RPTOR: variants seen among roughly 807,000 people sequenced by gnomAD.
RPTOR encodes the protein regulatory associated protein of MTOR complex 1.
RPTOR carries 21 observed loss-of-function variants against 169.9 expected under a neutral mutation model. The observed-to-expected ratio is 0.12, with a 90% CI of 0.09 to 0.18. The LOEUF is 0.18. Among genes scored for constraint, RPTOR ranks in the 10% least tolerant of loss-of-function variants. The probability of loss-of-function intolerance (pLI) is 1.00; values close to 1 mark genes in which losing one functional copy is unlikely to be tolerated. For missense variants in RPTOR, 1,133 were observed against 1,855.9 expected, an observed-to-expected ratio of 0.61 and a Z score of 7.16; for synonymous variants, 732 against 753.2, an observed-to-expected ratio of 0.97 and a Z score of 0.46.
chr17:80,549,006 CA>C (rs1310806356), intron 1 of RPTOR, among the ~76,000 whole-genome samples: 4 of 152,100 alleles, frequency 2.6e-5, no homozygotes, highest in African/African-American at 7.2e-5. Context: ...ACATCTTTAC[CA>C]AAGTTGACTG....
rs1460468453 is a variant in RPTOR, at chr17:80,659,365, T to C, written c.348+15555T>C. Among the ~76,000 whole-genome samples, 1 of 152,158 alleles carries C rather than the reference T, an allele frequency of 6.6e-6. No individual in the cohort carries two copies. Among genetic ancestry groups the C allele is most frequent in the East Asian group, 1.9e-4 (1 of 5,196 alleles). On this transcript the variant is annotated intron_variant, in intron 3 of 33. Transcript: ENST00000306801. This position sits in a 1 kb window ranked among gnomAD's most constrained non-coding sequence, Gnocchi z 4.3. ...TTTTTCTTTTGAAACAGGCTCTCGC[T>C]CTGTCACCCAGGCTGGGGTGCAGTG... is the stretch of plus-strand genomic sequence containing the variant.
At chr17:80,637,481 A>C (rs2065517195) in intron 2 of RPTOR, among the ~76,000 whole-genome samples, 1 of 152,186 alleles carries the variant, frequency 6.6e-6, no homozygotes, top group Non-Finnish European at 1.5e-5. Flanking sequence ...TTGCTGTTCT[A>C]GTTCATAGAA....
At chr17:80,575,255 A>G (rs1599565426) in intron 1 of RPTOR, among the ~76,000 whole-genome samples, 1 of 152,210 alleles carries the variant, frequency 6.6e-6, no homozygotes, top group Non-Finnish European at 1.5e-5. Context: ...TTGGCCTCCC[A>G]AAGTGCTGGG....
chr17:80,604,381 A>G (rs539656067), intron 1 of RPTOR, among the ~76,000 whole-genome samples: 1 of 152,234 alleles, frequency 6.6e-6, no homozygotes, highest in Non-Finnish European at 1.5e-5. Flanking sequence ...AAGTACCTAT[A>G]AAATATCTTT....
At position 80,845,194 on chromosome 17, in the gene RPTOR, C is replaced by T. The variant is rs1044913632; in HGVS notation, c.1213-1279C>T. Reference sequence around the variant, plus strand: ...GCCCACCTGCTCCATGGCACCCAGGCGAATCCCCCTCCACTCTGTGCCTGC... The same window carrying T: ...GCCCACCTGCTCCATGGCACCCAGGTGAATCCCCCTCCACTCTGTGCCTGC... On this transcript the variant is annotated intron_variant, in intron 10 of 33. Transcript: ENST00000306801. This position sits in a 1 kb window ranked among gnomAD's most constrained non-coding sequence, Gnocchi z 5.4. 7.2e-5 allele frequency among the ~76,000 whole-genome samples: 11 copies of T among 152,036 alleles called. No homozygotes were observed. Among genetic ancestry groups the T allele is most frequent in the Non-Finnish European group, 1.5e-4 (10 of 67,988 alleles).
intron 1 of RPTOR, among the ~76,000 whole-genome samples, chr17:80,618,236 C>G (rs2065327687): frequency 6.6e-6 from 1 of 152,208 alleles, no homozygotes; most frequent in African/African-American, 2.4e-5. Context: ...ATCCGCCAGG[C>G]TTGGCCTCCC....
intron 3 of RPTOR, among the ~76,000 whole-genome samples, chr17:80,667,855 G>A (rs980153319): frequency 2.6e-5 from 4 of 152,144 alleles, no homozygotes; most frequent in East Asian, 1.9e-4. Flanking sequence ...TCATTCATTC[G>A]GTTCCCACCG....
intron 5 of RPTOR, among the ~76,000 whole-genome samples, chr17:80,734,156 G>C (rs542535997): frequency 1.6e-3 from 249 of 152,266 alleles, no homozygotes; most frequent in Non-Finnish European, 2.9e-3. Context: ...GTTTTCGTTT[G>C]TTTGCTTTTC....
chr17:80,720,194 A>C (rs747878385), intron 4 of RPTOR, among the ~76,000 whole-genome samples: 2 of 152,154 alleles, frequency 1.3e-5, no homozygotes, highest in African/African-American at 2.4e-5. Flanking sequence ...GCTACTCAGG[A>C]GGCTGAGACA....
intron 3 of RPTOR, among the ~76,000 whole-genome samples, chr17:80,687,331 T>C (rs182209914): frequency 5.3e-5 from 8 of 152,230 alleles, no homozygotes; most frequent in Admixed American, 3.9e-4. Context: ...CTCCTTCAGA[T>C]TGTCATCTGA....
chr17:80,965,280 C>T lies in RPTOR; in HGVS notation c.*950C>T, dbSNP rs969344374. The stretch of plus-strand genomic sequence containing the variant: ...CCTGGGGGCACACACATGCAGGCGG[C>T]GTGGTCTCCCTGCTCTGTCCCCACA... On this transcript the variant is annotated 3_prime_UTR_variant, in exon 34 of 34. Coordinates refer to ENST00000306801, the MANE Select transcript of RPTOR (RefSeq NM_020761.3). 1.7e-5 allele frequency: 4 copies of T among 233,232 alleles called. No individual in the cohort carries two copies. The highest frequency in any genetic ancestry group is 4.4e-5 in the African/African-American group (2 of 45,362). 14.4% of individuals were successfully genotyped at this position (233,232 alleles called of 1,614,324 possible).
Position 80,854,444 on chromosome 17 carries a change from G to A in RPTOR, c.1315-1020G>A, listed in dbSNP as rs1036138020. Among the ~76,000 whole-genome samples the A allele has an allele frequency of 2.6e-5, 4 of 152,352 alleles. No individual in the cohort carries two copies. The East Asian group carries it at 5.8e-4, about 22-fold the overall frequency. On this transcript the variant is annotated intron_variant, in intron 11 of 33. Coordinates refer to ENST00000306801, the MANE Select transcript of RPTOR (RefSeq NM_020761.3). ...AGCTGGTGCCCACGTGCGTGCCGTC[G>A]AGAGTGTGAGTGGGTTCAGCCTCAG...
At chr17:80,554,617 G>A (rs1194412816) in intron 1 of RPTOR, among the ~76,000 whole-genome samples, 5 of 152,012 alleles carry the variant, frequency 3.3e-5, no homozygotes, top group Non-Finnish European at 5.9e-5. Flanking sequence ...GGTGACGGGC[G>A]CCTGTAGTCC....
intron 3 of RPTOR, among the ~76,000 whole-genome samples, chr17:80,683,271 T>G (rs4889876): frequency 0.18 from 26,706 of 152,072 alleles, 3,752 homozygotes; most frequent in African/African-American, 0.39. Context: ...TCAGTTCTAA[T>G]CCTCAGTTTG....
At chr17:80,556,995 C>T (rs901468073) in intron 1 of RPTOR, among the ~76,000 whole-genome samples, 2 of 152,072 alleles carry the variant, frequency 1.3e-5, no homozygotes, top group Non-Finnish European at 1.5e-5. Flanking sequence ...ACTTGGGAGG[C>T]TGAGGCAGGA....
At chr17:80,824,452 A>G in intron 9 of RPTOR, among the ~76,000 whole-genome samples, 1 of 152,272 alleles carries the variant, frequency 6.6e-6, no homozygotes, top group East Asian at 1.9e-4. Flanking sequence ...TTTAAAATGA[A>G]CATTTTTTAA....
intron 13 of RPTOR, among the ~76,000 whole-genome samples, chr17:80,874,331 G>T (rs1343330955): frequency 6.6e-6 from 1 of 151,706 alleles, no homozygotes; most frequent in Non-Finnish European, 1.5e-5. Context: ...CAAGTAACTG[G>T]GACCACAGGC....
At chr17:80,587,863 G>T (rs1422971744) in intron 1 of RPTOR, among the ~76,000 whole-genome samples, 2 of 151,698 alleles carry the variant, frequency 1.3e-5, no homozygotes, top group Non-Finnish European at 2.9e-5. Flanking sequence ...ATGCTGCATA[G>T]TAGATCTCTG....
At chr17:80,835,993 G>A (rs764305849) in intron 9 of RPTOR, among the ~76,000 whole-genome samples, 3 of 152,138 alleles carry the variant, frequency 2.0e-5, no homozygotes, top group East Asian at 1.9e-4. Context: ...TGTGTCAGCC[G>A]CTCTACGAGG....
Sources: allele counts gnomAD v4.1 joint callset (sites outside exome capture counted in the v4.1 genomes callset), GRCh38; gene constraint gnomAD v4.1.1; non-coding constraint Gnocchi (gnomAD v3.1); transcripts MANE v1.5; gene names NCBI Gene and HGNC (gene_info 2026-07-23, HGNC 2026-07-21).